ZBTB20: variants seen among roughly 807,000 people sequenced by gnomAD.
ZBTB20 encodes zinc finger and BTB domain containing 20.
Under a neutral mutation model 56.9 loss-of-function variants are expected in ZBTB20, and 9 were observed. The observed-to-expected ratio is 0.16, with a 90% CI of 0.10 to 0.28. The LOEUF (loss-of-function observed/expected upper bound fraction) is 0.28, where lower values mean the gene tolerates loss of function less well. Among genes scored for constraint, ZBTB20 ranks in the 10% least tolerant of loss-of-function variants. ZBTB20 has a pLI of 1.00. For synonymous variants in ZBTB20, 417 were observed against 420.7 expected (o/e 0.99, Z 0.11); for missense variants, 655 against 1,003.0 (o/e 0.65, Z 4.69).
At chr3:114,767,728 C>G (rs1483947221) in intron 5 of ZBTB20, among the ~76,000 whole-genome samples, 4 of 151,996 alleles carry the variant, frequency 2.6e-5, no homozygotes, top group African/African-American at 9.7e-5. Flanking sequence ...TCTTCCTTCT[C>G]TGCTTCCCAC....
At chr3:114,796,104 C>A (rs1416295209) in intron 5 of ZBTB20, among the ~76,000 whole-genome samples, 1 of 151,866 alleles carries the variant, frequency 6.6e-6, no homozygotes, top group Non-Finnish European at 1.5e-5. Flanking sequence ...GTTTTGGAGG[C>A]TACAAGTCCA....
intron 5 of ZBTB20, among the ~76,000 whole-genome samples, chr3:114,706,239 T>G (rs981505824): frequency 6.6e-6 from 1 of 152,100 alleles, no homozygotes; most frequent in Non-Finnish European, 1.5e-5. Flanking sequence ...TGCAGGAACG[T>G]TGTGAAGATT....
intron 1 of ZBTB20, among the ~76,000 whole-genome samples, chr3:115,091,991 C>A (rs2083213499): frequency 6.6e-6 from 1 of 152,060 alleles, no homozygotes; most frequent in Non-Finnish European, 1.5e-5. Context: ...CCTGAAATGA[C>A]CGAGCTTAAG....
At chr3:114,501,909 T>C (rs1419430117) in intron 6 of ZBTB20, among the ~76,000 whole-genome samples, 1 of 151,736 alleles carries the variant, frequency 6.6e-6, no homozygotes, top group Non-Finnish European at 1.5e-5. Flanking sequence ...GGGTTTGCCA[T>C]ATTGGCCAGG....
chr3:114,620,072 C>T (rs1006725944), intron 6 of ZBTB20, among the ~76,000 whole-genome samples: 5 of 152,194 alleles, frequency 3.3e-5, no homozygotes, highest in African/African-American at 4.8e-5. Flanking sequence ...GCTGGATATT[C>T]GGTCACCCTC....
intron 1 of ZBTB20, among the ~76,000 whole-genome samples, chr3:115,090,623 T>C (rs1452938723): frequency 1.3e-5 from 2 of 151,912 alleles, no homozygotes; most frequent in Non-Finnish European, 2.9e-5. Context: ...TTGTGTGTTT[T>C]GCTTTGACTT....
chr3:114,933,898 A>G (rs2076441833), intron 3 of ZBTB20, among the ~76,000 whole-genome samples: 1 of 152,192 alleles, frequency 6.6e-6, no homozygotes, highest in African/African-American at 2.4e-5. Context: ...GCAAAGCAAT[A>G]TGCTCTCTAT....
intron 5 of ZBTB20, among the ~76,000 whole-genome samples, chr3:114,798,674 T>C (rs1204131687): frequency 1.3e-5 from 2 of 152,046 alleles, no homozygotes; most frequent in Non-Finnish European, 2.9e-5. Flanking sequence ...CACTAGACTT[T>C]GTTTCTTACA....
At chr3:114,546,515 G>A (rs902267040) in intron 6 of ZBTB20, among the ~76,000 whole-genome samples, 1 of 151,372 alleles carries the variant, frequency 6.6e-6, no homozygotes, top group African/African-American at 2.4e-5. Flanking sequence ...GTGGGTTATG[G>A]ATATATGGAT....
intron 6 of ZBTB20, among the ~76,000 whole-genome samples, chr3:114,548,430 G>A (rs2050157584): frequency 6.6e-6 from 1 of 152,050 alleles, no homozygotes; most frequent in Non-Finnish European, 1.5e-5. Flanking sequence ...ATTAGTCTCA[G>A]AATTACATTC....
chr3:114,461,296 TC>T (rs55841623), intron 7 of ZBTB20, among the ~76,000 whole-genome samples: 13,698 of 128,658 alleles, frequency 0.11, 717 homozygotes, highest in South Asian at 0.19. Context: ...AACAATCTCC[TC>T]CCCCCCCCCT....
intron 4 of ZBTB20, among the ~76,000 whole-genome samples, chr3:114,857,380 C>T (rs531743447): frequency 2.0e-5 from 3 of 152,250 alleles, no homozygotes; most frequent in South Asian, 4.1e-4. Context: ...GGCACTTTCC[C>T]GTGATCCTTT....
intron 5 of ZBTB20, among the ~76,000 whole-genome samples, chr3:114,706,576 A>G (rs2063729908): frequency 6.6e-6 from 1 of 152,146 alleles, no homozygotes; most frequent in Non-Finnish European, 1.5e-5. Flanking sequence ...TGGGGTTCAG[A>G]GATACATCCT....
intron 7 of ZBTB20, among the ~76,000 whole-genome samples, chr3:114,488,612 A>G (rs1282972603): frequency 6.6e-6 from 1 of 152,208 alleles, no homozygotes; most frequent in African/African-American, 2.4e-5. Flanking sequence ...ATGCAGAGAA[A>G]TGGGCAGTCT....
chr3:114,939,828 G>A lies in ZBTB20; in HGVS notation c.-456+34538C>T, dbSNP rs544018618. Among the ~76,000 whole-genome samples, 22 of 146,082 alleles carry A rather than the reference G, an allele frequency of 1.5e-4. No individual in the cohort carries two copies. In the South Asian group the frequency reaches 3.6e-3, roughly 24 times the overall value. On this transcript the variant is annotated intron_variant, in intron 3 of 11. Transcript: ENST00000675478. ...GGCTGTAGTGAGTGATTATTGTGCC[G>A]CTGCACTCCAGGCTGGGTGACACAC...
chr3:114,318,194 C>T lies in ZBTB20; in HGVS notation c.*20811G>A, dbSNP rs2078759821. 6.6e-6 allele frequency: 1 copy of T among 152,222 alleles called. No homozygotes were observed. The highest frequency in any genetic ancestry group is 1.5e-5 in the Non-Finnish European group (1 of 68,054). The allele number at this position is 152,222 out of a possible 1,614,324, so 9.4% of individuals were successfully genotyped here. A position where few individuals can be genotyped will look rare whatever the true frequency, so the allele number is the denominator to read the frequency against. On this transcript the variant is annotated 3_prime_UTR_variant, in exon 12 of 12. Transcript: ENST00000675478. ...CCTTAGGGCACTGCCTCTCCATCTT[C>T]ACAGTGAGCAGATGGATGGATAATC...
intron 6 of ZBTB20, among the ~76,000 whole-genome samples, chr3:114,635,164 T>C (rs2059187866): frequency 6.6e-6 from 1 of 152,182 alleles, no homozygotes; most frequent in African/African-American, 2.4e-5. Context: ...AGGCATCCCT[T>C]TGCAGCTGGC....
chr3:114,521,397 T>C (rs1383019299), intron 6 of ZBTB20, among the ~76,000 whole-genome samples: 1 of 152,220 alleles, frequency 6.6e-6, no homozygotes, highest in Non-Finnish European at 1.5e-5. Flanking sequence ...AGGTCCTCTA[T>C]GTTTAAGTTT....
At chr3:114,482,266 G>T (rs1377204335) in intron 7 of ZBTB20, among the ~76,000 whole-genome samples, 1 of 152,110 alleles carries the variant, frequency 6.6e-6, no homozygotes, top group Non-Finnish European at 1.5e-5. Context: ...GATGAGGTGG[G>T]CTCTCAGACA....
Sources: allele counts gnomAD v4.1 joint callset (sites outside exome capture counted in the v4.1 genomes callset), GRCh38; gene constraint gnomAD v4.1.1; transcripts MANE v1.5; gene names NCBI Gene and HGNC (gene_info 2026-07-23, HGNC 2026-07-21).